Variants in CYP2B6 observed in about 807,000 individuals in gnomAD.
CYP2B6 encodes the protein cytochrome P450 family 2 subfamily B member 6.
CYP2B6 carries 35 observed loss-of-function variants against 43.4 expected under a neutral mutation model. That is an observed-to-expected ratio of 0.81 (90% CI 0.62 to 1.07). The LOEUF (loss-of-function observed/expected upper bound fraction) is 1.07, where lower values mean the gene tolerates loss of function less well. Ranked by LOEUF, CYP2B6 falls within the 50% of genes least tolerant of loss-of-function variation. The pLI is 0.00. For synonymous variants in CYP2B6, 239 were observed against 239.2 expected (o/e 1.00, Z 0.01); for missense variants, 624 against 632.8 (o/e 0.99, Z 0.15).
intron 8 of CYP2B6, among the ~76,000 whole-genome samples, chr19:41,016,415 A>G: frequency 1.5e-5 from 1 of 67,282 alleles, no homozygotes; most frequent in Non-Finnish European, 2.7e-5. Context: ...AAAAAAAAAA[A>G]AAAAAAAAAA....
intron 2 of CYP2B6, 55 bp downstream of exon 2, chr19:41,004,218 G>T: frequency 1.2e-6 from 2 of 1,611,788 alleles, no homozygotes; most frequent in Admixed American, 3.3e-5. Flanking sequence ...TCAGGGAAGG[G>T]AGTATATGGG....
At chr19:41,001,207 T>G (rs190618046) in intron 1 of CYP2B6, among the ~76,000 whole-genome samples, 109 of 152,266 alleles carry the variant, frequency 7.2e-4, no homozygotes, top group African/African-American at 2.5e-3. Context: ...TAACAATTTG[T>G]GGATTATGAA....
intron 1 of CYP2B6, among the ~76,000 whole-genome samples, chr19:41,001,806 A>G (rs1418037560): frequency 6.6e-6 from 1 of 152,184 alleles, no homozygotes; most frequent in Non-Finnish European, 1.5e-5. Context: ...TTCCATTGGC[A>G]GAGACAGATA....
intron 8 of CYP2B6, among the ~76,000 whole-genome samples, chr19:41,014,305 CT>C (rs543485540): frequency 3.1e-3 from 444 of 143,174 alleles, no homozygotes; most frequent in Middle Eastern, 7.3e-3. Context: ...TCTGAAGTTT[CT>C]TTTTTTTTTT....
At chr19:40,999,443 A>G (rs1969048153) in intron 1 of CYP2B6, among the ~76,000 whole-genome samples, 1 of 151,722 alleles carries the variant, frequency 6.6e-6, no homozygotes, top group South Asian at 2.1e-4. Context: ...CCATTTGTCA[A>G]TTTTGTCTTT....
At chr19:40,997,149 C>G (rs1199427783) in intron 1 of CYP2B6, among the ~76,000 whole-genome samples, 1 of 151,860 alleles carries the variant, frequency 6.6e-6, no homozygotes, top group Non-Finnish European at 1.5e-5. Flanking sequence ...GCAGACTAGC[C>G]CATGTCAGTG....
intron 8 of CYP2B6, among the ~76,000 whole-genome samples, chr19:41,013,236 C>T (rs184435928): frequency 5.3e-5 from 8 of 152,264 alleles, no homozygotes; most frequent in Admixed American, 2.0e-4. Flanking sequence ...AAATAATCAT[C>T]TCATGAAATG....
chr19:40,993,942 A>G (rs1486902234), intron 1 of CYP2B6, among the ~76,000 whole-genome samples: 1 of 152,060 alleles, frequency 6.6e-6, no homozygotes, highest in Non-Finnish European at 1.5e-5. Context: ...TTGTTGCCAC[A>G]AATGTTCTCA....
chr19:40,999,683 A>T (rs1969052723), intron 1 of CYP2B6, among the ~76,000 whole-genome samples: 1 of 151,924 alleles, frequency 6.6e-6, no homozygotes, highest in Non-Finnish European at 1.5e-5. Flanking sequence ...ATATTAAAGA[A>T]TTTTTTTCAT....
chr19:41,012,934 C>T (rs1969308334), intron 8 of CYP2B6, 119 bp downstream of exon 8: 2 of 1,158,514 alleles, frequency 1.7e-6, no homozygotes, highest in Non-Finnish European at 2.6e-6. Context: ...ATTGCTTCAC[C>T]TGCCTTATCC....
chr19:41,012,271 G>A (rs1428994315), intron 6 of CYP2B6, 27 bp from the exon 7 acceptor site: 1 of 1,611,810 alleles, frequency 6.2e-7, no homozygotes, highest in East Asian at 2.2e-5. Flanking sequence ...TTTAAAATGA[G>A]ATTCATTGGT....
chr19:40,995,425 G>C (rs1968986107), intron 1 of CYP2B6, among the ~76,000 whole-genome samples: 1 of 152,146 alleles, frequency 6.6e-6, no homozygotes, highest in South Asian at 2.1e-4. Context: ...AACAGTCTTA[G>C]AAGAACTTGG....
chr19:41,010,039 C>A lies in CYP2B6; in HGVS notation c.868C>A (p.Leu290Ile), dbSNP rs1336042707. Residue 290 changes from leucine (L) to isoleucine (I), a missense_variant, in exon 6 of 9, where the codon CTC (leucine) becomes ATC (isoleucine). Transcript: ENST00000324071. ...TGAATTCAGCCACCAGAACCTCAAC[C>A]TCAACACGCTCTCGCTCTTCTTTGC... is the stretch of plus-strand genomic sequence containing the variant. ...HSEFSHQNLN[L>I]NTLSLFFAGT... The A allele has an allele frequency of 8.1e-6, 13 of 1,614,000 alleles. No homozygotes were observed. The highest frequency in any genetic ancestry group is 1.6e-4 in the Middle Eastern group (1 of 6,084).
At chr19:41,015,999 T>TACACAAACACAC (rs1555793734) in intron 8 of CYP2B6, among the ~76,000 whole-genome samples, 1 of 149,804 alleles carries the variant, frequency 6.7e-6, no homozygotes, top group African/African-American at 2.5e-5. Context: ...CATGTACAGG[T>TACACAAACACAC]ACACACACAC....
intron 6 of CYP2B6, among the ~76,000 whole-genome samples, chr19:41,010,698 G>T (rs114807742): frequency 1.3e-3 from 199 of 152,162 alleles, no homozygotes; most frequent in African/African-American, 4.6e-3. Context: ...ACATGCGTAG[G>T]TTTTGTAATG....
At chr19:40,995,634 A>C (rs1968988795) in intron 1 of CYP2B6, among the ~76,000 whole-genome samples, 1 of 152,204 alleles carries the variant, frequency 6.6e-6, no homozygotes, top group South Asian at 2.1e-4. Flanking sequence ...AGTTTATAAG[A>C]GTGGGAGATA....
At chr19:41,004,497 T>A in intron 3 of CYP2B6, 51 bp downstream of exon 3, 2 of 1,598,996 alleles carry the variant, frequency 1.3e-6, no homozygotes, top group Non-Finnish European at 1.7e-6. Context: ...CACTGAGAGA[T>A]GCAGGTGCAC....
At position 41,012,824 on chromosome 19, in the gene CYP2B6, G is replaced by C; in HGVS notation, c.1294+9G>C. The C allele has an allele frequency of 6.2e-7, 1 of 1,614,010 alleles. No homozygotes were observed. Among genetic ancestry groups the C allele is most frequent in the Non-Finnish European group, 8.5e-7 (1 of 1,180,028 alleles). On this transcript the variant is annotated intron_variant, in intron 8 of 8. Transcript: ENST00000324071. Reference sequence around the variant, plus strand: ...TATCCCCTTCTCCTTAGGTAAGCTGGACCCACAATTTCTTTCCCAGACACC... The same window carrying C: ...TATCCCCTTCTCCTTAGGTAAGCTGCACCCACAATTTCTTTCCCAGACACC...
intron 4 of CYP2B6, among the ~76,000 whole-genome samples, chr19:41,008,646 A>G (rs1969232257): frequency 6.6e-6 from 1 of 151,972 alleles, no homozygotes; most frequent in South Asian, 2.1e-4. Context: ...GACCCACCAG[A>G]CAGTTAACAA....
Sources: gnomAD v4.1 joint callset for allele counts (sites outside exome capture counted in the v4.1 genomes callset) on GRCh38, gnomAD v4.1.1 for gene constraint, MANE v1.5 for transcripts, NCBI Gene and HGNC (gene_info 2026-07-23, HGNC 2026-07-21) for gene names.